The following ADCY2 variants were observed in gnomAD, a reference collection of about 807,000 sequenced individuals.
ADCY2 encodes adenylate cyclase 2.
ADCY2 carries 31 observed loss-of-function variants against 125.2 expected under a neutral mutation model. The observed-to-expected ratio is 0.25, with a 90% CI of 0.19 to 0.33. The LOEUF (loss-of-function observed/expected upper bound fraction) is 0.33. Ranked by LOEUF, ADCY2 falls within the 10% of genes least tolerant of loss-of-function variation. The pLI is 1.00. For synonymous variants in ADCY2, 512 were observed against 548.4 expected (o/e 0.93, Z 0.93); for missense variants, 904 against 1,418.2 (o/e 0.64, Z 5.82).
chr5:7,560,580 A>AT (rs1414510099), intron 3 of ADCY2, among the ~76,000 whole-genome samples: 8 of 151,876 alleles, frequency 5.3e-5, no homozygotes, highest in African/African-American at 1.9e-4. Flanking sequence ...TTTGAGCTTT[A>AT]TTTTTTTGAA....
At chr5:7,633,709 A>G (rs973487446) in intron 4 of ADCY2, among the ~76,000 whole-genome samples, 2 of 152,148 alleles carry the variant, frequency 1.3e-5, no homozygotes, top group Non-Finnish European at 2.9e-5. Context: ...AAACAGTTAT[A>G]TTACTCCAGA....
chr5:7,723,297 A>G (rs1476628228), intron 12 of ADCY2, among the ~76,000 whole-genome samples: 1 of 152,186 alleles, frequency 6.6e-6, no homozygotes, highest in African/African-American at 2.4e-5. Context: ...AATTTTTAAA[A>G]AGAAGTATTT....
chr5:7,789,503 T>G, intron 19 of ADCY2, 139 bp from the exon 20 acceptor site: 1 of 766,346 alleles, frequency 1.3e-6, no homozygotes, highest in Non-Finnish European at 2.1e-6. Context: ...ACAGAGGGCT[T>G]TATGGGGAGG....
chr5:7,589,765 G>A (rs1736788670), intron 3 of ADCY2, among the ~76,000 whole-genome samples: 1 of 152,072 alleles, frequency 6.6e-6, no homozygotes. Context: ...ATGGGCTGTT[G>A]GGGGTAACCA....
intron 3 of ADCY2, among the ~76,000 whole-genome samples, chr5:7,620,853 A>G (rs1264412127): frequency 6.6e-6 from 1 of 151,924 alleles, no homozygotes; most frequent in African/African-American, 2.4e-5. Context: ...CCTGTATCAA[A>G]TGCTATAACT....
intron 2 of ADCY2, among the ~76,000 whole-genome samples, chr5:7,415,656 T>TG (rs1739911043): frequency 6.6e-6 from 1 of 152,212 alleles, no homozygotes; most frequent in South Asian, 2.1e-4. Context: ...GGATACCTGC[T>TG]GAAAAACCCA....
At chr5:7,567,255 G>C (rs1735922826) in intron 3 of ADCY2, among the ~76,000 whole-genome samples, 1 of 152,144 alleles carries the variant, frequency 6.6e-6, no homozygotes, top group Admixed American at 6.5e-5. Flanking sequence ...TGATGCTTAT[G>C]TATTTTGAAT....
chr5:7,799,488 C>T (rs1401793893), intron 20 of ADCY2: 1 of 151,792 alleles, frequency 6.6e-6, no homozygotes, highest in Non-Finnish European at 1.5e-5. Context: ...TGAGCTCACC[C>T]TGGGCATTCC....
rs189876175 is a variant in ADCY2, at chr5:7,534,214, T to G, written c.570+13315T>G. Reference sequence around the variant, plus strand: ...AATCTGTGTTCTCTTCTAGTGTCTTTTCTTGGCTTCTACTCCTGGGCACTG... The same window carrying G: ...AATCTGTGTTCTCTTCTAGTGTCTTGTCTTGGCTTCTACTCCTGGGCACTG... On this transcript the variant is annotated intron_variant, in intron 3 of 24. Transcript: ENST00000338316. 1.9e-3 allele frequency among the ~76,000 whole-genome samples: 295 copies of G among 152,344 alleles called. 1 individual carries two copies. Among genetic ancestry groups the G allele is most frequent in the African/African-American group, 6.6e-3 (276 of 41,580 alleles).
At chr5:7,594,843 G>A (rs997197262) in intron 3 of ADCY2, among the ~76,000 whole-genome samples, 2 of 152,168 alleles carry the variant, frequency 1.3e-5, no homozygotes, top group Admixed American at 1.3e-4. Context: ...GGCCCCGTTA[G>A]CCTCTTAGAC....
intron 17 of ADCY2, among the ~76,000 whole-genome samples, chr5:7,772,603 A>G (rs1188355641): frequency 6.6e-6 from 1 of 152,196 alleles, no homozygotes; most frequent in Non-Finnish European, 1.5e-5. Context: ...CAGTGTTTTC[A>G]TTTTCAAGAA....
At chr5:7,661,682 A>T (rs1739537335) in intron 4 of ADCY2, among the ~76,000 whole-genome samples, 1 of 152,222 alleles carries the variant, frequency 6.6e-6, no homozygotes, top group Admixed American at 6.5e-5. Context: ...GGAAGTTTTG[A>T]TAAAATTCAG....
intron 2 of ADCY2, among the ~76,000 whole-genome samples, chr5:7,435,922 T>C (rs542530478): frequency 6.6e-6 from 1 of 152,298 alleles, no homozygotes; most frequent in Non-Finnish European, 1.5e-5. Context: ...CACTGTAAAA[T>C]TTTAGAAGCC....
At chr5:7,815,682 A>G (rs1745088552) in intron 22 of ADCY2, among the ~76,000 whole-genome samples, 1 of 152,250 alleles carries the variant, frequency 6.6e-6, no homozygotes, top group Admixed American at 6.5e-5. Context: ...GGAAATCTGC[A>G]TAGAAATGTT....
chr5:7,732,743 T>C (rs1742143328), intron 14 of ADCY2, among the ~76,000 whole-genome samples: 1 of 152,092 alleles, frequency 6.6e-6, no homozygotes, highest in Non-Finnish European at 1.5e-5. Flanking sequence ...ATTAAATGAG[T>C]GAGTGAGTAA....
intron 2 of ADCY2, among the ~76,000 whole-genome samples, chr5:7,436,684 G>A (rs1250667666): frequency 6.6e-6 from 1 of 152,234 alleles, no homozygotes; most frequent in East Asian, 1.9e-4. Context: ...CTTTGGCAAG[G>A]AATTGCCTGC....
chr5:7,601,567 A>G (rs1366204331), intron 3 of ADCY2, among the ~76,000 whole-genome samples: 3 of 152,224 alleles, frequency 2.0e-5, no homozygotes, highest in Non-Finnish European at 2.9e-5. Flanking sequence ...GTTTGCCTTA[A>G]AGAGAATAAG....
At chr5:7,685,122 C>T in intron 4 of ADCY2, 1 of 152,252 alleles carries the variant, frequency 6.6e-6, no homozygotes, top group East Asian at 1.9e-4. Flanking sequence ...GGTGCTAGTT[C>T]TGGATCCCAC....
At chr5:7,803,186 T>C (rs1358709310) in intron 21 of ADCY2, among the ~76,000 whole-genome samples, 2 of 152,212 alleles carry the variant, frequency 1.3e-5, no homozygotes, top group Non-Finnish European at 2.9e-5. Flanking sequence ...CGATTACCAC[T>C]GTGATCCTGG....
Sources: gnomAD v4.1 joint callset for allele counts (sites outside exome capture counted in the v4.1 genomes callset) on GRCh38, gnomAD v4.1.1 for gene constraint, MANE v1.5 for transcripts, NCBI Gene and HGNC (gene_info 2026-07-23, HGNC 2026-07-21) for gene names.